Variants in PTPRM observed in about 807,000 individuals in gnomAD.
PTPRM encodes the protein receptor-type tyrosine-protein phosphatase mu.
In PTPRM, 47 loss-of-function variants were observed where a neutral mutation model predicts 186.7. The observed-to-expected ratio is 0.25, with a 90% CI of 0.20 to 0.32. PTPRM has a LOEUF of 0.32. Ranked by LOEUF, PTPRM falls within the 10% of genes least tolerant of loss-of-function variation. The pLI, the probability that PTPRM is intolerant of heterozygous loss-of-function variation, is 1.00. For synonymous variants in PTPRM, 668 were observed against 674.9 expected (o/e 0.99, Z 0.16); for missense variants, 1,494 against 1,865.0 (o/e 0.80, Z 3.66).
chr18:8,312,785 C>T (rs747044909), intron 20 of PTPRM, among the ~76,000 whole-genome samples: 5 of 152,158 alleles, frequency 3.3e-5, no homozygotes, highest in Admixed American at 6.5e-5. Context: ...ACATGACCTC[C>T]TCTCAGCTTT....
At chr18:8,024,581 T>C (rs118102903) in intron 7 of PTPRM, among the ~76,000 whole-genome samples, 3,056 of 152,172 alleles carry the variant, frequency 0.02, 49 homozygotes, top group Non-Finnish European at 0.028. Context: ...GGTGACCATT[T>C]TGCACTTCAG....
chr18:7,993,024 AC>A (rs1263043483), intron 7 of PTPRM, among the ~76,000 whole-genome samples: 2 of 151,960 alleles, frequency 1.3e-5, no homozygotes, highest in Admixed American at 6.6e-5. Flanking sequence ...AATTAAAAAA[AC>A]ATTAATGACA....
At chr18:8,225,348 T>C (rs1244259960) in intron 14 of PTPRM, among the ~76,000 whole-genome samples, 1 of 152,066 alleles carries the variant, frequency 6.6e-6, no homozygotes, top group Non-Finnish European at 1.5e-5. Flanking sequence ...GTTCAGAGTA[T>C]CTCACCTTTG....
At chr18:7,747,049 G>A (rs1439351317) in intron 1 of PTPRM, among the ~76,000 whole-genome samples, 1 of 152,108 alleles carries the variant, frequency 6.6e-6, no homozygotes, top group African/African-American at 2.4e-5. Flanking sequence ...TTTCCCTTCT[G>A]CTTTCTGTTG....
intron 19 of PTPRM, among the ~76,000 whole-genome samples, chr18:8,289,087 C>G (rs1363212128): frequency 1.3e-5 from 2 of 152,100 alleles, no homozygotes; most frequent in African/African-American, 2.4e-5. Flanking sequence ...GCACTAAGTT[C>G]AGAGTGGAAT....
At chr18:7,841,918 T>C (rs2046345212) in intron 2 of PTPRM, among the ~76,000 whole-genome samples, 1 of 143,000 alleles carries the variant, frequency 7.0e-6, no homozygotes, top group African/African-American at 2.6e-5. Flanking sequence ...TAGATATAAA[T>C]ATGACAATTT....
chr18:7,652,761 G>A (rs1407590424), intron 1 of PTPRM, among the ~76,000 whole-genome samples: 1 of 118,558 alleles, frequency 8.4e-6, no homozygotes, highest in Admixed American at 1.0e-4. Context: ...TGTGGGGTGG[G>A]GGGAGGGGGG....
intron 14 of PTPRM, among the ~76,000 whole-genome samples, chr18:8,177,197 C>A (rs1233390916): frequency 6.6e-6 from 1 of 152,204 alleles, no homozygotes; most frequent in African/African-American, 2.4e-5. Context: ...TCACAGTGTA[C>A]ACTTTCTCAG....
rs144008014 is a variant in PTPRM at position 7,785,424 on chromosome 18, A to T, written c.196+11153A>T. ...AGTGTTAGGATATCTTTGCAGAAAAAAGTGTGTGTGTATGTTGAGAGAGAG... is the reference window on the plus strand; with the variant it reads ...AGTGTTAGGATATCTTTGCAGAAAATAGTGTGTGTGTATGTTGAGAGAGAG... On this transcript the variant is annotated intron_variant, in intron 2 of 32. Coordinates refer to ENST00000580170, the MANE Select transcript of PTPRM (RefSeq NM_001105244.2). Among the ~76,000 whole-genome samples, 1,360 of 151,994 alleles carry T rather than the reference A, an allele frequency of 8.9e-3. 15 individuals are homozygous for T. The highest frequency in any genetic ancestry group is 0.014 in the Non-Finnish European group (955 of 67,998).
intron 20 of PTPRM, among the ~76,000 whole-genome samples, chr18:8,306,194 G>A (rs950860957): frequency 6.6e-6 from 1 of 152,020 alleles, no homozygotes; most frequent in Non-Finnish European, 1.5e-5. Context: ...ACTGCGCCTG[G>A]CAGCGTAATT....
At chr18:8,224,117 T>G (rs2094185710) in intron 14 of PTPRM, among the ~76,000 whole-genome samples, 1 of 152,200 alleles carries the variant, frequency 6.6e-6, no homozygotes, top group Non-Finnish European at 1.5e-5. Flanking sequence ...ATGGCTTCTT[T>G]AATGATGAAA....
chr18:8,158,790 C>T (rs2093172718), intron 14 of PTPRM, among the ~76,000 whole-genome samples: 1 of 152,144 alleles, frequency 6.6e-6, no homozygotes, highest in Non-Finnish European at 1.5e-5. Flanking sequence ...TGTCCCATGG[C>T]AAGAGCAGGA....
intron 1 of PTPRM, among the ~76,000 whole-genome samples, chr18:7,667,411 C>T (rs568251420): frequency 2.0e-5 from 3 of 152,268 alleles, no homozygotes; most frequent in South Asian, 4.1e-4. Flanking sequence ...GGAACCCCCT[C>T]GGGCCTATAG....
chr18:8,045,911 T>G (rs774099393), intron 7 of PTPRM, among the ~76,000 whole-genome samples: 7 of 152,218 alleles, frequency 4.6e-5, no homozygotes, highest in African/African-American at 7.2e-5. Flanking sequence ...AAATCAAGTC[T>G]TTTTTCTTCA....
At chr18:7,838,199 C>T (rs981001858) in intron 2 of PTPRM, among the ~76,000 whole-genome samples, 3 of 152,144 alleles carry the variant, frequency 2.0e-5, no homozygotes, top group African/African-American at 7.2e-5. Flanking sequence ...TCCTTCTTCA[C>T]ATGGCAGCAG....
Position 8,207,879 on chromosome 18 carries a change from A to G in PTPRM, c.2301-36179A>G, listed in dbSNP as rs144785820. Among the ~76,000 whole-genome samples the G allele has an allele frequency of 7.9e-3, 1,196 of 152,192 alleles. 5 individuals are homozygous for G. Among genetic ancestry groups the G allele is most frequent in the South Asian group, 0.011 (50 of 4,712 alleles). ...TGGACCAGCAATGAGGTTGCTGAAT[A>G]AAAAAGTGTATGTTTGTGTGTGTTA... On this transcript the variant is annotated intron_variant, in intron 14 of 32. Coordinates refer to ENST00000580170, the MANE Select transcript of PTPRM (RefSeq NM_001105244.2).
intron 1 of PTPRM, among the ~76,000 whole-genome samples, chr18:7,707,591 A>G (rs73391519): frequency 0.065 from 9,948 of 152,126 alleles, 868 homozygotes; most frequent in African/African-American, 0.19. Flanking sequence ...GTGGGCTATG[A>G]TCATGCAACT....
chr18:7,698,402 G>A (rs649301), intron 1 of PTPRM, among the ~76,000 whole-genome samples: 88,874 of 151,958 alleles, frequency 0.58, 26,946 homozygotes, highest in East Asian at 0.99. Flanking sequence ...CATGTTTTAC[G>A]TAGTTCAATT....
At chr18:8,304,312 G>T (rs985116039) in intron 20 of PTPRM, among the ~76,000 whole-genome samples, 1 of 152,170 alleles carries the variant, frequency 6.6e-6, no homozygotes, top group Admixed American at 6.5e-5. Context: ...TTAGGGTGGG[G>T]CATAGACCTG....
Sources: allele counts gnomAD v4.1 joint callset (sites outside exome capture counted in the v4.1 genomes callset), GRCh38; gene constraint gnomAD v4.1.1; transcripts MANE v1.5; gene names NCBI Gene and HGNC (gene_info 2026-07-23, HGNC 2026-07-21).